Variants in PCDHA3 observed in about 807,000 individuals in gnomAD.
PCDHA3 encodes the protein protocadherin alpha-3.
PCDHA3 carries 41 observed loss-of-function variants against 62.2 expected under a neutral mutation model. The observed-to-expected ratio is 0.66, with a 90% CI of 0.51 to 0.86. The LOEUF (loss-of-function observed/expected upper bound fraction) is 0.86. Ranked by LOEUF, PCDHA3 falls within the 40% of genes least tolerant of loss-of-function variation. The pLI, the probability that PCDHA3 is intolerant of heterozygous loss-of-function variation, is 0.00. For missense variants in PCDHA3, 1,304 were observed against 1,241.2 expected, an observed-to-expected ratio of 1.05 and a Z score of -0.76; for synonymous variants, 640 against 555.4, an observed-to-expected ratio of 1.15 and a Z score of -2.14.
chr5:140,828,917 G>A (rs1770028810), intron 1 of PCDHA3: 1 of 1,614,204 alleles, frequency 6.2e-7, no homozygotes, highest in South Asian at 1.1e-5. Flanking sequence ...AGCGAATGGG[G>A]CAATTTCATA....
intron 1 of PCDHA3, chr5:140,824,610 G>GGTTTTTTTTT (rs1768189767): frequency 1.1e-5 from 1 of 95,104 alleles, no homozygotes; most frequent in African/African-American, 4.9e-5. Context: ...GCTAATTAAA[G>GGTTTTTTTTT]TTTTTTTTTT....
intron 1 of PCDHA3, chr5:140,969,176 G>T (rs1554231542): frequency 6.2e-7 from 1 of 1,614,102 alleles, no homozygotes; most frequent in African/African-American, 1.3e-5. Context: ...CTCAGGGAGT[G>T]ACACTTTCAT....
intron 1 of PCDHA3, chr5:140,848,580 G>T: frequency 6.3e-7 from 1 of 1,595,144 alleles, no homozygotes; most frequent in Non-Finnish European, 8.6e-7. Context: ...GGTGGGGAGC[G>T]GCCAGCTCCA....
intron 1 of PCDHA3, chr5:140,836,721 C>G: frequency 1.9e-6 from 3 of 1,612,166 alleles, no homozygotes; most frequent in Non-Finnish European, 2.5e-6. Context: ...TCCTCAGGGT[C>G]CATCCTCTAC....
chr5:140,896,137 G>A (rs547993953), intron 1 of PCDHA3, among the ~76,000 whole-genome samples: 16 of 152,260 alleles, frequency 1.1e-4, no homozygotes, highest in African/African-American at 3.1e-4. Flanking sequence ...TTTATCCAGT[G>A]CACCATTGAT....
intron 1 of PCDHA3, chr5:140,882,151 G>C (rs529033742): frequency 6.7e-7 from 1 of 1,503,572 alleles, no homozygotes; most frequent in African/African-American, 1.4e-5. Flanking sequence ...AGCAGAAAGC[G>C]GAATACCTCT....
At chr5:140,829,868 A>C in intron 1 of PCDHA3, 1 of 1,613,886 alleles carries the variant, frequency 6.2e-7, no homozygotes, top group Non-Finnish European at 8.5e-7. Flanking sequence ...AGTGGTGGCG[A>C]AGGTGCGCGC....
chr5:140,851,363 A>C lies in PCDHA3; in HGVS notation c.2394+47772A>C. 5 of 979,054 alleles carry C rather than the reference A, an allele frequency of 5.1e-6. 1 individual carries two copies. Among genetic ancestry groups the C allele is most frequent in the Non-Finnish European group, 6.2e-6 (5 of 807,194 alleles). 60.6% of individuals were successfully genotyped at this position (979,054 alleles called of 1,614,324 possible). On this transcript the variant is annotated intron_variant, in intron 1 of 3. Coordinates refer to ENST00000522353, the MANE Select transcript of PCDHA3 (RefSeq NM_018906.3). ...ATTTCTCTGGATGGAGACTGTGAAC[A>C]TCTGATTGTTCAGCAACCTTCAGTA...
intron 3 of PCDHA3, among the ~76,000 whole-genome samples, chr5:140,996,371 C>G (rs1183587138): frequency 6.6e-6 from 1 of 152,126 alleles, no homozygotes; most frequent in Admixed American, 6.6e-5. Context: ...ATTTTGTTGT[C>G]GGCTGAAATA....
rs1490925820 is a variant in PCDHA3, at chr5:140,842,691, A to G, written c.2394+39100A>G. On this transcript the variant is annotated intron_variant, in intron 1 of 3. Coordinates refer to ENST00000522353, the MANE Select transcript of PCDHA3 (RefSeq NM_018906.3). The stretch of plus-strand genomic sequence containing the variant: ...AACGACAATGCTCCGGCGTTCGCGC[A>G]GCCCGAGTACACGGTGTTCGTGAAG... The G allele has an allele frequency of 1.9e-6, 3 of 1,595,232 alleles. 1 individual carries two copies. Among genetic ancestry groups the G allele is most frequent in the Non-Finnish European group, 2.6e-6 (3 of 1,165,546 alleles).
Position 140,802,431 on chromosome 5 carries a change from C to G in PCDHA3, c.1234C>G (p.Pro412Ala), listed in dbSNP as rs782361767. 10 of 1,614,104 alleles carry G rather than the reference C, an allele frequency of 6.2e-6. No homozygotes were observed. The highest frequency in any genetic ancestry group is 1.3e-5 in the African/African-American group (1 of 74,936). The change falls in exon 1 of 4, where the codon CCT becomes GCT. Residue 412 changes from proline (P) to alanine (A), a missense_variant. Transcript: ENST00000522353. Reference sequence around the variant, plus strand: ...TTACTACTCATTGGTGCTGGACAGCCCTCTGGACCGCGAGAGCGTGTCGGC... The same window carrying G: ...TTACTACTCATTGGTGCTGGACAGCGCTCTGGACCGCGAGAGCGTGTCGGC... ...KNYYSLVLDS[P>A]LDRESVSAYE...
rs1167461963 is a variant in PCDHA3 at position 140,968,386 on chromosome 5, G to A, written c.2395-10563G>A. 2.5e-6 allele frequency: 4 copies of A among 1,613,910 alleles called. No homozygotes were observed. The African/African-American group carries it at 4.0e-5, about 16-fold the overall frequency. On this transcript the variant is annotated intron_variant, in intron 1 of 3. Transcript: ENST00000522353. ...ATGCTGTCAACTCCTTTGACTATGA[G>A]AAGTTTCGGGAGTTCTTTGTGACTG...
intron 1 of PCDHA3, among the ~76,000 whole-genome samples, chr5:140,896,631 C>A (rs1583239619): frequency 6.6e-6 from 1 of 152,014 alleles, no homozygotes; most frequent in East Asian, 1.9e-4. Context: ...CCTGCCTTGG[C>A]CTCCCAAAGT....
intron 3 of PCDHA3, among the ~76,000 whole-genome samples, chr5:140,986,776 C>T (rs916981139): frequency 2.6e-5 from 4 of 152,098 alleles, no homozygotes; most frequent in Non-Finnish European, 4.4e-5. Flanking sequence ...AATTAGGTAG[C>T]GGAAGCCACT....
chr5:140,941,231 C>CTT (rs1554214107), intron 1 of PCDHA3, among the ~76,000 whole-genome samples: 1 of 136,770 alleles, frequency 7.3e-6, no homozygotes, highest in African/African-American at 2.8e-5. Context: ...TTCTTTCTTT[C>CTT]TTTCTTTCTT....
At chr5:140,969,766 C>A (rs1384743731) in intron 1 of PCDHA3, among the ~76,000 whole-genome samples, 2 of 152,130 alleles carry the variant, frequency 1.3e-5, no homozygotes, top group Non-Finnish European at 1.5e-5. Context: ...AGCTCTGAGG[C>A]CTCTAGGGGC....
Position 140,803,125 on chromosome 5 carries a change from C to A in PCDHA3, c.1928C>A (p.Pro643Gln). ...TTRALDEVDAPRHRLLVLVKD... is the reference protein window; with the variant it reads ...TTRALDEVDAQRHRLLVLVKD... ...CGTGCCCTGGACGAGGTGGACGCCC[C>A]GCGCCATCGCCTACTGGTGCTGGTG... The change falls in exon 1 of 4, where the codon CCG becomes CAG. Residue 643 changes from proline to glutamine, a missense_variant. Coordinates refer to ENST00000522353, the MANE Select transcript of PCDHA3 (RefSeq NM_018906.3). 3 of 1,613,798 alleles carry A rather than the reference C, an allele frequency of 1.9e-6. No individual in the cohort carries two copies. Among genetic ancestry groups the A allele is most frequent in the South Asian group, 1.1e-5 (1 of 91,078 alleles).
intron 1 of PCDHA3, among the ~76,000 whole-genome samples, chr5:140,890,446 T>A (rs1554184296): frequency 6.6e-6 from 1 of 152,228 alleles, no homozygotes; most frequent in Non-Finnish European, 1.5e-5. Context: ...CCTAGTGATA[T>A]CTTTAGGCAC....
chr5:140,986,114 T>A (rs1465954606), intron 3 of PCDHA3, among the ~76,000 whole-genome samples: 1 of 152,168 alleles, frequency 6.6e-6, no homozygotes, highest in Non-Finnish European at 1.5e-5. Flanking sequence ...AAGATAAAGA[T>A]GCCACACTCT....
Sources: gnomAD v4.1 joint callset for allele counts (sites outside exome capture counted in the v4.1 genomes callset) on GRCh38, gnomAD v4.1.1 for gene constraint, MANE v1.5 for transcripts, NCBI Gene and HGNC (gene_info 2026-07-23, HGNC 2026-07-21) for gene names.